The following SYT9 variants were observed in gnomAD, a reference collection of about 807,000 sequenced individuals.
SYT9 encodes synaptotagmin 9, also known as synaptotagmin-9.
A neutral mutation model predicts 48.4 loss-of-function variants in SYT9; 22 were observed. The observed-to-expected ratio is 0.45, with a 90% CI of 0.32 to 0.65. SYT9 has a LOEUF of 0.65. Ranked by LOEUF, SYT9 falls within the 30% of genes least tolerant of loss-of-function variation. SYT9 has a pLI of 0.03. For synonymous variants in SYT9, 265 were observed against 245.0 expected (o/e 1.08, Z -0.76); for missense variants, 577 against 622.0 (o/e 0.93, Z 0.77).
intron 6 of SYT9, among the ~76,000 whole-genome samples, chr11:7,433,638 C>T (rs1042399746): frequency 6.6e-6 from 1 of 152,152 alleles, no homozygotes; most frequent in Admixed American, 6.5e-5. Context: ...GAGGGCTCTG[C>T]CTTCATGAAT....
intron 6 of SYT9, among the ~76,000 whole-genome samples, chr11:7,434,356 A>G (rs967269459): frequency 2.0e-5 from 3 of 152,292 alleles, no homozygotes; most frequent in Non-Finnish European, 4.4e-5. Context: ...GGGGCTCTCT[A>G]TGGCAGTGAT....
chr11:7,321,485 C>T (rs907837798), intron 3 of SYT9, among the ~76,000 whole-genome samples: 7 of 152,174 alleles, frequency 4.6e-5, no homozygotes, highest in African/African-American at 1.4e-4. Flanking sequence ...AATCCCTTTT[C>T]ATTTCATTGT....
At chr11:7,397,601 C>T (rs1247834011) in intron 3 of SYT9, among the ~76,000 whole-genome samples, 1 of 152,036 alleles carries the variant, frequency 6.6e-6, no homozygotes, top group Non-Finnish European at 1.5e-5. Context: ...ATTTATAGAT[C>T]AATGGGAATG....
chr11:7,433,494 G>C (rs918467292), intron 6 of SYT9, among the ~76,000 whole-genome samples: 1 of 152,148 alleles, frequency 6.6e-6, no homozygotes, highest in African/African-American at 2.4e-5. Context: ...CCACATCTGC[G>C]TGTGCTTTTT....
chr11:7,281,676 A>G, intron 1 of SYT9, among the ~76,000 whole-genome samples: 1 of 152,214 alleles, frequency 6.6e-6, no homozygotes, highest in Admixed American at 6.5e-5. Flanking sequence ...ACTATCTGCC[A>G]CATAGAAAGA....
At chr11:7,241,092 G>A (rs1251818942) in intron 1 of SYT9, among the ~76,000 whole-genome samples, 1 of 152,082 alleles carries the variant, frequency 6.6e-6, no homozygotes, top group Non-Finnish European at 1.5e-5. Flanking sequence ...ATATCCACAT[G>A]CATCTTGAGA....
intron 6 of SYT9, among the ~76,000 whole-genome samples, chr11:7,422,081 T>G (rs1847366754): frequency 6.6e-6 from 1 of 152,276 alleles, no homozygotes; most frequent in African/African-American, 2.4e-5. Flanking sequence ...CTCTCTTCCA[T>G]GCAAAGCCAT....
chr11:7,338,190 G>T lies in SYT9; in HGVS notation c.1044+24249G>T, dbSNP rs114609774. ...GTCTCTGATGGTTGTTTGTATTTCT[G>T]TGGCATCTGTGGTTACATCTCCTTT... is the stretch of plus-strand genomic sequence containing the variant. On this transcript the variant is annotated intron_variant, in intron 3 of 6. Coordinates refer to ENST00000318881, the MANE Select transcript of SYT9 (RefSeq NM_175733.4). Among the ~76,000 whole-genome samples, 619 of 152,240 alleles carry T rather than the reference G, an allele frequency of 4.1e-3. 3 individuals are homozygous for T. Among genetic ancestry groups the T allele is most frequent in the African/African-American group, 0.012 (510 of 41,540 alleles).
chr11:7,288,289 TA>T (rs9300083), intron 1 of SYT9, among the ~76,000 whole-genome samples: 25 of 148,892 alleles, frequency 1.7e-4, no homozygotes, highest in South Asian at 8.5e-4. Context: ...TATGTATTTG[TA>T]AAAAAAAAAA....
intron 1 of SYT9, among the ~76,000 whole-genome samples, chr11:7,269,034 C>G (rs1452442273): frequency 2.6e-5 from 4 of 152,058 alleles, no homozygotes; most frequent in Admixed American, 2.6e-4. Context: ...TGAGGCCTGG[C>G]TATATCATAG....
chr11:7,280,935 C>T (rs1484060446), intron 1 of SYT9, among the ~76,000 whole-genome samples: 4 of 152,138 alleles, frequency 2.6e-5, no homozygotes, highest in African/African-American at 9.7e-5. Flanking sequence ...CCTTTGTTTT[C>T]AGCATAGTTT....
intron 6 of SYT9, among the ~76,000 whole-genome samples, chr11:7,463,365 T>G (rs1204614736): frequency 6.6e-6 from 1 of 152,246 alleles, no homozygotes; most frequent in African/African-American, 2.4e-5. Flanking sequence ...TCTCACATTT[T>G]GTTTTATACA....
intron 6 of SYT9, among the ~76,000 whole-genome samples, chr11:7,432,609 A>ATGTG (rs1847626500): frequency 1.5e-4 from 4 of 27,416 alleles, no homozygotes; most frequent in African/African-American, 6.4e-4. Flanking sequence ...ATATATATAT[A>ATGTG]TATATATATA....
chr11:7,380,386 A>G (rs1050881418), intron 3 of SYT9, among the ~76,000 whole-genome samples: 5 of 152,200 alleles, frequency 3.3e-5, no homozygotes, highest in African/African-American at 1.2e-4. Context: ...GGGTGACTAT[A>G]GTCAATAACT....
chr11:7,290,661 G>C (rs184196313), intron 1 of SYT9, among the ~76,000 whole-genome samples: 269 of 152,302 alleles, frequency 1.8e-3, no homozygotes, highest in Non-Finnish European at 3.3e-3. Flanking sequence ...ATGTAGCTTA[G>C]AATTTTGTAA....
chr11:7,240,107 AGGGGAAGC>A (rs1257679902), intron 1 of SYT9, among the ~76,000 whole-genome samples: 1 of 152,128 alleles, frequency 6.6e-6, no homozygotes, highest in African/African-American at 2.4e-5. Flanking sequence ...CAGGTAGAAG[AGGGGAAGC>A]CAGTGAAAGA....
intron 1 of SYT9, among the ~76,000 whole-genome samples, chr11:7,242,997 G>T (rs1478617893): frequency 6.6e-6 from 1 of 152,100 alleles, no homozygotes; most frequent in Admixed American, 6.6e-5. Context: ...AGTGAGCTGA[G>T]ATTGTACCAT....
chr11:7,381,013 C>T (rs986583872), intron 3 of SYT9, among the ~76,000 whole-genome samples: 14 of 152,084 alleles, frequency 9.2e-5, no homozygotes, highest in African/African-American at 2.7e-4. Flanking sequence ...TCTATTTCTC[C>T]TTCTAAACAA....
At chr11:7,289,221 G>A (rs1438394902) in intron 1 of SYT9, among the ~76,000 whole-genome samples, 2 of 152,154 alleles carry the variant, frequency 1.3e-5, no homozygotes, top group East Asian at 3.8e-4. Context: ...ATGTACCTTT[G>A]CAAGGCAAAG....
Sources: allele counts gnomAD v4.1 joint callset (sites outside exome capture counted in the v4.1 genomes callset), GRCh38; gene constraint gnomAD v4.1.1; transcripts MANE v1.5; gene names NCBI Gene and HGNC (gene_info 2026-07-23, HGNC 2026-07-21).